Variants in NEIL2 observed in about 807,000 individuals in gnomAD.
NEIL2 encodes the protein endonuclease 8-like 2.
A neutral mutation model predicts 22.2 loss-of-function variants in NEIL2; 23 were observed. The ratio of observed to expected loss-of-function variants is 1.04; its 90% CI spans 0.75 to 1.47. The LOEUF is 1.47. Among genes scored for constraint, NEIL2 ranks in the 40% most tolerant of loss-of-function variants. The pLI is 0.00. For synonymous variants in NEIL2, 229 were observed against 164.8 expected, an observed-to-expected ratio of 1.39 and a Z score of -2.99; for missense variants, 583 against 404.7, an observed-to-expected ratio of 1.44 and a Z score of -3.78.
intron 3 of NEIL2, among the ~76,000 whole-genome samples, chr8:11,781,413 A>T (rs184887639): frequency 6.2e-4 from 95 of 152,294 alleles, no homozygotes; most frequent in Non-Finnish European, 1.1e-3. Context: ...CCAGGATTTT[A>T]TTCACACCAA....
At chr8:11,777,162 C>CTTTTCT (rs534061890) in intron 2 of NEIL2, among the ~76,000 whole-genome samples, 1 of 148,838 alleles carries the variant, frequency 6.7e-6, no homozygotes, top group Non-Finnish European at 1.5e-5. Context: ...CTTTTCTTTT[C>CTTTTCT]TTTTTTTTTT....
chr8:11,785,427 C>T (rs1377980059), intron 4 of NEIL2, among the ~76,000 whole-genome samples: 2 of 152,044 alleles, frequency 1.3e-5, no homozygotes, highest in East Asian at 3.9e-4. Context: ...AACTCCTGGC[C>T]TCAAGTGATT....
Position 11,771,556 on chromosome 8 carries a change from C to T in NEIL2, c.109C>T (p.Leu37=), listed in dbSNP as rs768520252. The T allele has an allele frequency of 1.2e-6, 2 of 1,614,112 alleles. No individual in the cohort carries two copies. The highest frequency in any genetic ancestry group is 4.5e-5 in the East Asian group (2 of 44,880). Residue 37 remains leucine (L), a synonymous_variant, in exon 2 of 5, where the codon CTG becomes TTG. Coordinates refer to ENST00000284503, the MANE Select transcript of NEIL2 (RefSeq NM_145043.4). ...GSSKKLQPAS[L]QSLWLQDTQV... Reference sequence around the variant, plus strand: ...CAGTAAGAAGCTACAGCCCGCCAGCCTGCAGTCTCTGTGGCTCCAGGACAC... The same window carrying T: ...CAGTAAGAAGCTACAGCCCGCCAGCTTGCAGTCTCTGTGGCTCCAGGACAC...
intron 2 of NEIL2, among the ~76,000 whole-genome samples, chr8:11,775,100 T>C (rs1035284171): frequency 7.2e-5 from 11 of 152,382 alleles, no homozygotes; most frequent in African/African-American, 2.6e-4. Context: ...GAACTCTGCC[T>C]TGGGGCTCTA....
intron 2 of NEIL2, among the ~76,000 whole-genome samples, chr8:11,778,245 AT>A (rs1289757334): frequency 6.8e-6 from 1 of 147,024 alleles, no homozygotes; most frequent in Non-Finnish European, 1.5e-5. Flanking sequence ...ACCAAGAAAT[AT>A]TTTCTGCAGC....
chr8:11,775,741 C>T (rs1383694460), intron 2 of NEIL2, among the ~76,000 whole-genome samples: 4 of 152,214 alleles, frequency 2.6e-5, no homozygotes, highest in African/African-American at 9.7e-5. Flanking sequence ...TTCCATAGAT[C>T]TCTAGGGCAG....
intron 2 of NEIL2, among the ~76,000 whole-genome samples, chr8:11,777,754 T>C (rs1804038923): frequency 1.3e-5 from 2 of 152,252 alleles, no homozygotes; most frequent in Admixed American, 1.3e-4. Flanking sequence ...TACAGAATAT[T>C]TGAGACTGCA....
In NEIL2 at chr8:11,783,376, ACCAGAGATACTTC is replaced by A. The variant is rs1804617332; in HGVS notation, c.666_678del (p.Arg224GlyfsTer2). 6.2e-7 allele frequency: 1 copy of A among 1,614,104 alleles called. No homozygotes were observed. Among genetic ancestry groups the A allele is most frequent in the African/African-American group, 1.3e-5 (1 of 75,028 alleles). ...CAGCCTGTCTGCTATACACTGCTGG[ACCAGAGATACTTC>A]TCAGGGCTAGGTATGACTCATGGGA... On this transcript the variant is annotated frameshift_variant, in exon 4 of 5. Transcript: ENST00000284503. LOFTEE classifies it low-confidence loss of function (END_TRUNC).
intron 3 of NEIL2, among the ~76,000 whole-genome samples, 180 bp downstream of exon 3, chr8:11,780,130 C>G (rs186461363): frequency 9.7e-4 from 148 of 152,046 alleles, no homozygotes; most frequent in African/African-American, 3.4e-3. Context: ...AGACTGTGGT[C>G]TGCATGCAGG....
Position 11,779,776 on chromosome 8 carries a change from A to C in NEIL2, c.317A>C (p.Glu106Ala). The C allele has an allele frequency of 6.2e-7, 1 of 1,614,196 alleles. No homozygotes were observed. The highest frequency in any genetic ancestry group is 1.1e-5 in the South Asian group (1 of 91,084). ...CTTGATGGATCCTCACGGTCTGCAG[A>C]GCTCGTCCCCCAGGGCGAGGATGAT... ...KTLDGSSRSA[E>A]LVPQGEDDSE... Residue 106 changes from glutamate to alanine, a missense_variant, in exon 3 of 5, where the codon GAG becomes GCG. Glu to Ala is a moderately radical substitution (Grantham distance 107). Coordinates refer to ENST00000284503, the MANE Select transcript of NEIL2 (RefSeq NM_145043.4).
intron 3 of NEIL2, among the ~76,000 whole-genome samples, chr8:11,780,657 C>G (rs1009146783): frequency 6.6e-6 from 1 of 152,248 alleles, no homozygotes; most frequent in Non-Finnish European, 1.5e-5. Context: ...GCTGGGATTA[C>G]AGGCGTGAGC....
rs751790662 is a variant in NEIL2, at chr8:11,783,292, G to A, written c.581G>A (p.Cys194Tyr). 4.3e-6 allele frequency: 7 copies of A among 1,614,096 alleles called. No individual in the cohort carries two copies. The highest frequency in any genetic ancestry group is 5.9e-6 in the Non-Finnish European group (7 of 1,180,034). The change falls in exon 4 of 5, where the codon TGT (cysteine) becomes TAT (tyrosine). Residue 194 changes from cysteine to tyrosine, a missense_variant. Cys to Tyr is a radical substitution (Grantham distance 194). Transcript: ENST00000284503. Reference sequence around the variant, plus strand: ...TCTTCCCCAGTGGTCACACCCACCTGTGACATCCTGTCTGAGAAGTTCCAT... The same window carrying A: ...TCTTCCCCAGTGGTCACACCCACCTATGACATCCTGTCTGAGAAGTTCCAT... ...WSSSPVVTPT[C>Y]DILSEKFHRG...
chr8:11,778,857 C>G (rs1196280651), intron 2 of NEIL2, among the ~76,000 whole-genome samples: 5 of 129,222 alleles, frequency 3.9e-5, no homozygotes, highest in African/African-American at 1.5e-4. Context: ...GAAGCTGAGG[C>G]AAGAGAATCA....
In NEIL2 at chr8:11,786,609, A is replaced by T; in HGVS notation, c.*336A>T. The T allele has an allele frequency of 3.2e-6, 1 of 315,772 alleles. No individual in the cohort carries two copies. Among genetic ancestry groups the T allele is most frequent in the Non-Finnish European group, 5.9e-6 (1 of 168,078 alleles). 19.6% of individuals were successfully genotyped at this position (315,772 alleles called of 1,614,324 possible). A position where few individuals can be genotyped will look rare whatever the true frequency, so the allele number is the denominator to read the frequency against. Reference sequence around the variant, plus strand: ...TGGGAAATGGCTGTGCTCCCAACATAGCTTTGCAGATGATGTGGGTTTTTT... The same window carrying T: ...TGGGAAATGGCTGTGCTCCCAACATTGCTTTGCAGATGATGTGGGTTTTTT... On this transcript the variant is annotated 3_prime_UTR_variant, in exon 5 of 5. Transcript: ENST00000284503.
chr8:11,771,807 G>T (rs1242994839), intron 2 of NEIL2, among the ~76,000 whole-genome samples: 1 of 152,156 alleles, frequency 6.6e-6, no homozygotes, highest in Non-Finnish European at 1.5e-5. Context: ...TGGAGACCCC[G>T]ATTCAGAGGG....
intron 2 of NEIL2, among the ~76,000 whole-genome samples, chr8:11,775,840 C>T (rs529640663): frequency 1.3e-5 from 2 of 152,358 alleles, no homozygotes; most frequent in African/African-American, 4.8e-5. Flanking sequence ...GAGACCACTT[C>T]AGCCTGTACC....
Position 11,783,210 on chromosome 8 carries a change from C to G in NEIL2, c.499C>G (p.Leu167Val). Residue 167 changes from leucine to valine, a missense_variant, in exon 4 of 5, where the codon CTG (leucine) becomes GTG (valine). Coordinates refer to ENST00000284503, the MANE Select transcript of NEIL2 (RefSeq NM_145043.4). The part of the protein sequence containing the change: ...DWRDPSPRLV[L>V]HFGGGGFLAF... ...CCTGTTCTTTCTTCCCAGGTTGGTC[C>G]TGCACTTTGGTGGTGGTGGCTTCCT... 2.5e-6 allele frequency: 4 copies of G among 1,614,224 alleles called. No homozygotes were observed. Among genetic ancestry groups the G allele is most frequent in the Non-Finnish European group, 3.4e-6 (4 of 1,180,040 alleles).
chr8:11,771,517 A>G lies in NEIL2; in HGVS notation c.70A>G (p.Lys24Glu). 1 of 1,614,102 alleles carries G rather than the reference A, an allele frequency of 6.2e-7. No homozygotes were observed. Among genetic ancestry groups the G allele is most frequent in the Admixed American group, 1.7e-5 (1 of 60,016 alleles). Reference sequence around the variant, plus strand: ...CCCCTTTGTGGGTCAGCAGGTGGTCAAGACAGGGGGCAGCAGTAAGAAGCT... The same window carrying G: ...CCCCTTTGTGGGTCAGCAGGTGGTCGAGACAGGGGGCAGCAGTAAGAAGCT... Reference protein sequence around the residue: ...VSPFVGQQVVKTGGSSKKLQP... With the variant: ...VSPFVGQQVVETGGSSKKLQP... The change falls in exon 2 of 5, where the codon AAG becomes GAG. Residue 24 changes from lysine (K) to glutamate (E), a missense_variant. Coordinates refer to ENST00000284503, the MANE Select transcript of NEIL2 (RefSeq NM_145043.4).
Position 11,783,398 on chromosome 8 carries a change from A to C in NEIL2, c.687A>C (p.Leu229=). 1 of 1,613,818 alleles carries C rather than the reference A, an allele frequency of 6.2e-7. No individual in the cohort carries two copies. Among genetic ancestry groups the C allele is most frequent in the Non-Finnish European group, 8.5e-7 (1 of 1,179,694 alleles). The change falls in exon 4 of 5, where the codon CTA becomes CTC. Residue 229 remains leucine (L), a splice_region_variant and synonymous_variant. Coordinates refer to ENST00000284503, the MANE Select transcript of NEIL2 (RefSeq NM_145043.4). ...TGGACCAGAGATACTTCTCAGGGCT[A>C]GGTATGACTCATGGGAAAGGGGTGA... ...TLLDQRYFSG[L]GNIIKNEALY...
Sources: gnomAD v4.1 joint callset for allele counts (sites outside exome capture counted in the v4.1 genomes callset) on GRCh38, gnomAD v4.1.1 for gene constraint, MANE v1.5 for transcripts, NCBI Gene and HGNC (gene_info 2026-07-23, HGNC 2026-07-21) for gene names.